The following ZNF440 variants were observed in gnomAD, a reference collection of about 807,000 sequenced individuals.
The protein encoded by ZNF440 is zinc finger protein 440.
Under a neutral mutation model 49.7 loss-of-function variants are expected in ZNF440, and 47 were observed. The observed-to-expected ratio is 0.95, with a 90% CI of 0.75 to 1.21. ZNF440 has a LOEUF of 1.21. ZNF440 is among the 50% of genes most tolerant of loss of function. The pLI is 0.00. For missense variants in ZNF440, 703 were observed against 715.0 expected (o/e 0.98, Z 0.19); for synonymous variants, 255 against 237.7 (o/e 1.07, Z -0.67).
intron 1 of ZNF440, among the ~76,000 whole-genome samples, chr19:11,822,865 G>T (rs1254958289): frequency 2.0e-5 from 2 of 99,308 alleles, no homozygotes; most frequent in African/African-American, 8.1e-5. Flanking sequence ...AAAAAAAGAT[G>T]CCCTGGTTTC....
At chr19:11,815,912 ATTC>A (rs1975727842) in intron 1 of ZNF440, 1 of 152,294 alleles carries the variant, frequency 6.6e-6, no homozygotes, top group Non-Finnish European at 1.5e-5. Flanking sequence ...AACAACAACG[ATTC>A]ACGAATGAGA....
chr19:11,815,435 G>C (rs1330190637), intron 1 of ZNF440, among the ~76,000 whole-genome samples: 1 of 152,120 alleles, frequency 6.6e-6, no homozygotes, highest in Non-Finnish European at 1.5e-5. Flanking sequence ...GTTGTTTACA[G>C]AACAGGTAGC....
In ZNF440 at chr19:11,830,609, T is replaced by C. The variant is rs1462257995; in HGVS notation, c.131-8T>C. 1 of 1,613,356 alleles carries C rather than the reference T, an allele frequency of 6.2e-7. No homozygotes were observed. The highest frequency in any genetic ancestry group is 8.5e-7 in the Non-Finnish European group (1 of 1,179,820). On this transcript the variant is annotated splice_polypyrimidine_tract_variant and splice_region_variant and intron_variant, in intron 2 of 3. Transcript: ENST00000304060. ...CTCAGGACTATTTTTTCTGTGTCTG[T>C]ATTTTAGGAAAAAGGTGGAAAGACC...
At position 11,833,986 on chromosome 19, in the gene ZNF440, G is replaced by T. The variant is rs1975987017; in HGVS notation, c.*1022G>T. ...CCCATTGGTGTCATGTATTAGATCAGCCTTATACTGTTAAATTGTTATTAT... is the reference window on the plus strand; with the variant it reads ...CCCATTGGTGTCATGTATTAGATCATCCTTATACTGTTAAATTGTTATTAT... On this transcript the variant is annotated 3_prime_UTR_variant, in exon 4 of 4. Transcript: ENST00000304060. 7.5e-6 allele frequency: 2 copies of T among 266,416 alleles called. No individual in the cohort carries two copies. Among genetic ancestry groups the T allele is most frequent in the Non-Finnish European group, 7.5e-6 (1 of 133,984 alleles). 16.5% of individuals were successfully genotyped at this position (266,416 alleles called of 1,614,324 possible).
Position 11,831,957 on chromosome 19 carries a change from T to C in ZNF440, c.781T>C (p.Cys261Arg), listed in dbSNP as rs1165891396. ...AGAAAAGCCTTATGAATATCAGGAG[T>C]GTGGGAAAGCATTTCATAGTCCCAG... ...TGEKPYEYQECGKAFHSPRSY... is the reference protein window; with the variant it reads ...TGEKPYEYQERGKAFHSPRSY... The change falls in exon 4 of 4, where the codon TGT (cysteine) becomes CGT (arginine). Residue 261 changes from cysteine (C) to arginine (R), a missense_variant. Coordinates refer to ENST00000304060, the MANE Select transcript of ZNF440 (RefSeq NM_152357.3). 1 of 1,613,656 alleles carries C rather than the reference T, an allele frequency of 6.2e-7. No homozygotes were observed. Among genetic ancestry groups the C allele is most frequent in the East Asian group, 2.2e-5 (1 of 44,840 alleles).
Position 11,832,327 on chromosome 19 carries a change from G to C in ZNF440, c.1151G>C (p.Arg384Pro), listed in dbSNP as rs370150511. The C allele has an allele frequency of 1.5e-5, 25 of 1,613,852 alleles. No individual in the cohort carries two copies. Among genetic ancestry groups the C allele is most frequent in the Non-Finnish European group, 2.0e-5 (24 of 1,180,022 alleles). The change falls in exon 4 of 4, where the codon CGA becomes CCA. Residue 384 changes from arginine (R) to proline (P), a missense_variant. Coordinates refer to ENST00000304060, the MANE Select transcript of ZNF440 (RefSeq NM_152357.3). ...GCCTTCCCTCATTCCAGTTCCCTTC[G>C]ATATCATGAAAGGACTCACACTGGA... ...GKAFPHSSSL[R>P]YHERTHTGEK...
At chr19:11,828,634 C>T (rs1386191335) in intron 1 of ZNF440, among the ~76,000 whole-genome samples, 1 of 151,722 alleles carries the variant, frequency 6.6e-6, no homozygotes, top group East Asian at 1.9e-4. Flanking sequence ...TTTCAATTAT[C>T]CCGAGGTGTC....
In ZNF440 at chr19:11,832,576, T is replaced by G; in HGVS notation, c.1400T>G (p.Phe467Cys). 6.2e-7 allele frequency: 1 copy of G among 1,613,830 alleles called. No individual in the cohort carries two copies. Among genetic ancestry groups the G allele is most frequent in the African/African-American group, 1.3e-5 (1 of 74,966 alleles). Reference sequence around the variant, plus strand: ...AAATGTAAGATATGTGGGAAAGGCTTTTATTGTCCCAAATCATTTCAAAGA... The same window carrying G: ...AAATGTAAGATATGTGGGAAAGGCTGTTATTGTCCCAAATCATTTCAAAGA... ...RYKCKICGKG[F>C]YCPKSFQRHE... is the part of the protein sequence containing the mutation. Residue 467 changes from phenylalanine (F) to cysteine (C), a missense_variant, in exon 4 of 4, where the codon TTT (phenylalanine) becomes TGT (cysteine). Transcript: ENST00000304060.
rs1975988392 is a variant in ZNF440 at position 11,834,073 on chromosome 19, ATTTT to A, written c.*1110_*1113del. The A allele has an allele frequency of 3.5e-6, 1 of 282,868 alleles. No individual in the cohort carries two copies. Among genetic ancestry groups the A allele is most frequent in the Admixed American group, 5.4e-5 (1 of 18,624 alleles). 17.5% of individuals were successfully genotyped at this position (282,868 alleles called of 1,614,324 possible). A position where few individuals can be genotyped will look rare whatever the true frequency, so the allele number is the denominator to read the frequency against. On this transcript the variant is annotated 3_prime_UTR_variant, in exon 4 of 4. Transcript: ENST00000304060. ...ATGCCAGACATCTTTTTATTCGAAAATTTTACTTTTCATGCTTCTGTACTTACAT... is the reference window on the plus strand; with the variant it reads ...ATGCCAGACATCTTTTTATTCGAAAAACTTTTCATGCTTCTGTACTTACAT...
chr19:11,819,892 A>G (rs969267813), intron 1 of ZNF440, among the ~76,000 whole-genome samples: 1 of 152,070 alleles, frequency 6.6e-6, no homozygotes, highest in Non-Finnish European at 1.5e-5. Flanking sequence ...GTTTGGTCTC[A>G]TTGCTTCTTA....
At chr19:11,826,653 T>G (rs1975870045) in intron 1 of ZNF440, among the ~76,000 whole-genome samples, 1 of 125,796 alleles carries the variant, frequency 7.9e-6, no homozygotes, top group Non-Finnish European at 1.7e-5. Flanking sequence ...CCTTTTTTAA[T>G]TTTTTTTCCT....
In ZNF440 at chr19:11,831,535, C is replaced by G. The variant is rs1406068935; in HGVS notation, c.359C>G (p.Ser120Cys). Residue 120 changes from serine to cysteine, a missense_variant, in exon 4 of 4, where the codon TCT becomes TGT. By Grantham distance (112) the Ser-to-Cys change is moderately radical (BLOSUM62 -1). Transcript: ENST00000304060. The part of the protein sequence containing the change: ...VCGEVGLGNS[S>C]FNMNIRGDIG... ...GGAGAAGTTGGCCTAGGTAACTCATCTTTTAATATGAACATCAGAGGTGAC... is the reference window on the plus strand; with the variant it reads ...GGAGAAGTTGGCCTAGGTAACTCATGTTTTAATATGAACATCAGAGGTGAC... The G allele has an allele frequency of 6.2e-6, 10 of 1,613,932 alleles. No individual in the cohort carries two copies. Among genetic ancestry groups the G allele is most frequent in the Non-Finnish European group, 8.5e-6 (10 of 1,179,996 alleles).
In ZNF440 at chr19:11,817,675, TA is replaced by T. The variant is rs575673825; in HGVS notation, c.3+3237del. ...AACACAGTGAGACCCTGTCTCTATT[TA>T]AAAAAAAAAAAGGAAAGAAAGAAAG... is the stretch of plus-strand genomic sequence containing the variant. On this transcript the variant is annotated intron_variant, in intron 1 of 3. Coordinates refer to ENST00000304060, the MANE Select transcript of ZNF440 (RefSeq NM_152357.3). The T allele has an allele frequency of 7.9e-3, 1,036 of 130,870 alleles. 9 individuals are homozygous for T. Among genetic ancestry groups the T allele is most frequent in the African/African-American group, 0.022 (788 of 35,590 alleles). The allele number at this position is 130,870 out of a possible 1,614,324, so 8.1% of individuals were successfully genotyped here.
At position 11,832,648 on chromosome 19, in the gene ZNF440, GTTCAGTAGTTCC is replaced by G; in HGVS notation, c.1485_1496del (p.Ser496_Pro499del). 6.2e-7 allele frequency: 1 copy of G among 1,613,546 alleles called. No homozygotes were observed. Among genetic ancestry groups the G allele is most frequent in the Non-Finnish European group, 8.5e-7 (1 of 1,179,884 alleles). On this transcript the variant is annotated inframe_deletion, in exon 4 of 4. Coordinates refer to ENST00000304060, the MANE Select transcript of ZNF440 (RefSeq NM_152357.3). The stretch of plus-strand genomic sequence containing the variant: ...GAGAAACTCTATGAATGCAAGCAAC[GTTCAGTAGTTCC>G]TTCAGTAGTTCCAGTTCCTTTTGAT...
chr19:11,814,668 G>A (rs1253794393), intron 1 of ZNF440, among the ~76,000 whole-genome samples: 2 of 152,192 alleles, frequency 1.3e-5, no homozygotes, highest in African/African-American at 4.8e-5. Context: ...CCTAATCTGG[G>A]CAGCTCCGCG....
At chr19:11,814,601 G>A in intron 1 of ZNF440, 151 bp downstream of exon 1, 20 of 930,584 alleles carry the variant, frequency 2.1e-5, no homozygotes, top group Non-Finnish European at 3.0e-5. Context: ...GCCGGCAGCC[G>A]GGACCCCGGG....
chr19:11,823,690 G>T (rs569665682), intron 1 of ZNF440, among the ~76,000 whole-genome samples: 3 of 152,050 alleles, frequency 2.0e-5, no homozygotes, highest in Non-Finnish European at 2.9e-5. Context: ...GTGGCTGGGC[G>T]TGGTGGCTCA....
Position 11,832,015 on chromosome 19 carries a change from G to A in ZNF440, c.839G>A (p.Gly280Glu). ...CGTAGACATGAAAGGATTCACATGGGAGAAAAGGCTTATCAATGTAAGGAA... is the reference window on the plus strand; with the variant it reads ...CGTAGACATGAAAGGATTCACATGGAAGAAAAGGCTTATCAATGTAAGGAA... Reference protein sequence around the residue: ...SYRRHERIHMGEKAYQCKECG... With the variant: ...SYRRHERIHMEEKAYQCKECG... Residue 280 changes from glycine to glutamate, a missense_variant, in exon 4 of 4, where the codon GGA becomes GAA. Transcript: ENST00000304060. 6.2e-7 allele frequency: 1 copy of A among 1,614,064 alleles called. No homozygotes were observed. Among genetic ancestry groups the A allele is most frequent in the South Asian group, 1.1e-5 (1 of 91,078 alleles).
At chr19:11,830,933 A>G (rs189643112) in intron 3 of ZNF440, among the ~76,000 whole-genome samples, 1 of 152,078 alleles carries the variant, frequency 6.6e-6, no homozygotes. Context: ...ACATAACGAG[A>G]CCACATATCA....
Sources: allele counts gnomAD v4.1 joint callset (sites outside exome capture counted in the v4.1 genomes callset), GRCh38; gene constraint gnomAD v4.1.1; transcripts MANE v1.5; gene names NCBI Gene and HGNC (gene_info 2026-07-23, HGNC 2026-07-21).